DPP10: variants seen among roughly 807,000 people sequenced by gnomAD.
DPP10 encodes the protein dipeptidyl peptidase like 10, also known as inactive dipeptidyl peptidase 10.
In DPP10, 33 loss-of-function variants were observed where a neutral mutation model predicts 120.9. That is an observed-to-expected ratio of 0.27 (90% CI 0.21 to 0.37). The LOEUF (loss-of-function observed/expected upper bound fraction) is 0.37, where lower values mean the gene tolerates loss of function less well. DPP10 is among the 10% of genes least tolerant of loss of function. The pLI is 1.00. For missense variants in DPP10, 816 were observed against 942.8 expected (o/e 0.87, Z 1.76); for synonymous variants, 337 against 326.1 (o/e 1.03, Z -0.36).
intron 5 of DPP10, among the ~76,000 whole-genome samples, chr2:115,683,992 C>A (rs1467073188): frequency 1.3e-5 from 2 of 151,672 alleles, no homozygotes; most frequent in African/African-American, 4.8e-5. Context: ...TTTTAAATGC[C>A]ATCCAAACCT....
chr2:115,409,135 C>T (rs2068747842), intron 3 of DPP10, among the ~76,000 whole-genome samples: 1 of 152,024 alleles, frequency 6.6e-6, no homozygotes, highest in Non-Finnish European at 1.5e-5. Flanking sequence ...AAAGGATTCT[C>T]ACTATAGAAA....
intron 1 of DPP10, among the ~76,000 whole-genome samples, chr2:114,648,957 A>G (rs1050556556): frequency 1.3e-5 from 2 of 152,242 alleles, no homozygotes; most frequent in Admixed American, 6.5e-5. Flanking sequence ...ACGTGCAAGT[A>G]TGATCCTTCT....
intron 1 of DPP10, among the ~76,000 whole-genome samples, chr2:114,447,201 T>C (rs1271281980): frequency 6.6e-6 from 1 of 151,916 alleles, no homozygotes; most frequent in African/African-American, 2.4e-5. Context: ...TTCACCACAT[T>C]GGCCAGCATG....
chr2:114,454,997 G>A (rs142043543), intron 1 of DPP10, among the ~76,000 whole-genome samples: 3 of 152,238 alleles, frequency 2.0e-5, no homozygotes, highest in African/African-American at 7.2e-5. Flanking sequence ...GCCATCCAAT[G>A]TGGGGAATGC....
intron 3 of DPP10, among the ~76,000 whole-genome samples, chr2:115,387,657 G>A (rs999143962): frequency 6.6e-6 from 1 of 152,118 alleles, no homozygotes. Flanking sequence ...TTGTTTATCT[G>A]AAATTCAAAC....
At chr2:115,702,834 G>A (rs1026932206) in intron 7 of DPP10, among the ~76,000 whole-genome samples, 2 of 152,074 alleles carry the variant, frequency 1.3e-5, no homozygotes, top group Admixed American at 1.3e-4. Flanking sequence ...AATTTTTAAT[G>A]GGTGACTTGT....
chr2:115,750,717 TCAC>T (rs1297231538), intron 10 of DPP10, among the ~76,000 whole-genome samples: 4 of 152,222 alleles, frequency 2.6e-5, no homozygotes, highest in Non-Finnish European at 4.4e-5. Context: ...AATCAGTTAT[TCAC>T]CACATTTGTA....
chr2:115,309,183 A>T, intron 1 of DPP10, 56 bp from the exon 2 acceptor site: 1 of 1,365,786 alleles, frequency 7.3e-7, no homozygotes, highest in East Asian at 2.3e-5. Flanking sequence ...TTCCTTTATG[A>T]ATACATTTCT....
chr2:115,657,069 A>G (rs2088429242), intron 5 of DPP10, among the ~76,000 whole-genome samples: 1 of 151,706 alleles, frequency 6.6e-6, no homozygotes, highest in Non-Finnish European at 1.5e-5. Flanking sequence ...TAGATTATAC[A>G]TTTTCCCATC....
At chr2:114,632,474 G>T in intron 1 of DPP10, among the ~76,000 whole-genome samples, 1 of 137,844 alleles carries the variant, frequency 7.3e-6, no homozygotes. Flanking sequence ...TCTTTTGTTT[G>T]AGCATAACTG....
At chr2:114,462,118 G>C in intron 1 of DPP10, 13 of 985,354 alleles carry the variant, frequency 1.3e-5, no homozygotes, top group Non-Finnish European at 1.6e-5. Flanking sequence ...TTCTTGGAAT[G>C]AAACATTATC....
intron 9 of DPP10, among the ~76,000 whole-genome samples, chr2:115,742,861 T>A (rs1677462734): frequency 6.6e-6 from 1 of 152,102 alleles, no homozygotes; most frequent in African/African-American, 2.4e-5. Flanking sequence ...TGTGGTCAGA[T>A]TTACTAATGA....
chr2:115,336,756 ATTTC>A (rs2063164295), intron 2 of DPP10, among the ~76,000 whole-genome samples: 3 of 152,076 alleles, frequency 2.0e-5, no homozygotes, highest in Admixed American at 2.0e-4. Context: ...TGATTTTAGA[ATTTC>A]TTTCTCTAAA....
At chr2:115,408,941 A>T (rs111333620) in intron 3 of DPP10, among the ~76,000 whole-genome samples, 12,104 of 152,140 alleles carry the variant, frequency 0.08, 537 homozygotes, top group Middle Eastern at 0.13. Context: ...ATTAGAAGTA[A>T]ATAAATAGTA....
At chr2:114,493,704 G>T (rs562821704) in intron 1 of DPP10, among the ~76,000 whole-genome samples, 1 of 152,220 alleles carries the variant, frequency 6.6e-6, no homozygotes, top group East Asian at 1.9e-4. Flanking sequence ...TAATGACTGG[G>T]TGTTTAGTTT....
chr2:115,844,763 A>G lies in DPP10; in HGVS notation c.*2418A>G, dbSNP rs1179132530. 1 of 152,226 alleles carries G rather than the reference A, an allele frequency of 6.6e-6. No individual in the cohort carries two copies. Among genetic ancestry groups the G allele is most frequent in the Non-Finnish European group, 1.5e-5 (1 of 68,038 alleles). 9.4% of individuals were successfully genotyped at this position (152,226 alleles called of 1,614,324 possible). ...CCCTTAATGTTAAAGAAAAAAATCAATATATTGAATTCTTTAATTAAATAG... is the reference window on the plus strand; with the variant it reads ...CCCTTAATGTTAAAGAAAAAAATCAGTATATTGAATTCTTTAATTAAATAG... On this transcript the variant is annotated 3_prime_UTR_variant, in exon 26 of 26. Transcript: ENST00000410059.
At chr2:115,018,224 A>T (rs1702808043) in intron 1 of DPP10, among the ~76,000 whole-genome samples, 1 of 152,192 alleles carries the variant, frequency 6.6e-6, no homozygotes, top group Non-Finnish European at 1.5e-5. Context: ...GCTGGAGAGG[A>T]TGTGGAGAAA....
chr2:114,991,893 A>G (rs1558962731), intron 1 of DPP10, among the ~76,000 whole-genome samples: 1 of 152,228 alleles, frequency 6.6e-6, no homozygotes, highest in Non-Finnish European at 1.5e-5. Context: ...ACAGATGGAA[A>G]GATACTTAGC....
At chr2:115,185,810 G>C (rs2054396191) in intron 1 of DPP10, among the ~76,000 whole-genome samples, 1 of 152,190 alleles carries the variant, frequency 6.6e-6, no homozygotes, top group African/African-American at 2.4e-5. Context: ...TATTAAACAT[G>C]TAGGTCACTG....
Sources: allele counts gnomAD v4.1 joint callset (sites outside exome capture counted in the v4.1 genomes callset), GRCh38; gene constraint gnomAD v4.1.1; transcripts MANE v1.5; gene names NCBI Gene and HGNC (gene_info 2026-07-23, HGNC 2026-07-21).